The following SEMA3F variants were observed in gnomAD, a reference collection of about 807,000 sequenced individuals.
SEMA3F encodes the protein semaphorin 3F.
Under a neutral mutation model 98.5 loss-of-function variants are expected in SEMA3F, and 30 were observed. The ratio of observed to expected loss-of-function variants is 0.30; its 90% CI spans 0.23 to 0.41. The LOEUF (loss-of-function observed/expected upper bound fraction) is 0.41, where lower values mean the gene tolerates loss of function less well. Ranked by LOEUF, SEMA3F falls within the 10% of genes least tolerant of loss-of-function variation. The probability of loss-of-function intolerance (pLI) is 1.00; values close to 1 mark genes in which losing one functional copy is unlikely to be tolerated. For synonymous variants in SEMA3F, 380 were observed against 444.8 expected, an observed-to-expected ratio of 0.85 and a Z score of 1.83; for missense variants, 866 against 1,119.3, an observed-to-expected ratio of 0.77 and a Z score of 3.23.
chr3:50,164,672 G>A (rs145903524), intron 2 of SEMA3F, among the ~76,000 whole-genome samples: 2 of 152,334 alleles, frequency 1.3e-5, no homozygotes, highest in Non-Finnish European at 1.5e-5. Flanking sequence ...AGTGTTAGCT[G>A]TGTGAGTTCA....
intron 2 of SEMA3F, among the ~76,000 whole-genome samples, chr3:50,161,564 G>A (rs1698209855): frequency 6.6e-6 from 1 of 152,226 alleles, no homozygotes; most frequent in African/African-American, 2.4e-5. Context: ...GCGCACCTGG[G>A]GCCACCCATC....
chr3:50,177,268 G>A (rs1260368358), intron 7 of SEMA3F, among the ~76,000 whole-genome samples: 1 of 152,254 alleles, frequency 6.6e-6, no homozygotes, highest in Non-Finnish European at 1.5e-5. Context: ...GCCCTGTAGC[G>A]AAGGACCAAT....
chr3:50,186,669 C>G lies in SEMA3F; in HGVS notation c.1870C>G (p.Leu624Val). The stretch of plus-strand genomic sequence containing the variant: ...TGGCGTGGCCGGCAGCGCAGCCTTC[C>G]TTGAGTGCCAGCCCCGCTCGCCCCA... ...QYGVAGSAAFLECQPRSPQAT... is the reference protein window; with the variant it reads ...QYGVAGSAAFVECQPRSPQAT... Residue 624 changes from leucine (L) to valine (V), a missense_variant, in exon 18 of 19, where the codon CTT becomes GTT. Physicochemically the swap from Leu to Val is conservative, Grantham distance 32. Coordinates refer to ENST00000002829, the MANE Select transcript of SEMA3F (RefSeq NM_004186.5). The G allele has an allele frequency of 6.2e-7, 1 of 1,609,966 alleles. No homozygotes were observed. The highest frequency in any genetic ancestry group is 1.1e-5 in the South Asian group (1 of 90,928).
rs1376838152 is a variant in SEMA3F, at chr3:50,182,735, G to A, written c.855G>A (p.Glu285=). 1 of 1,613,388 alleles carries A rather than the reference G, an allele frequency of 6.2e-7. No individual in the cohort carries two copies. The highest frequency in any genetic ancestry group is 1.7e-5 in the Admixed American group (1 of 60,036). The stretch of plus-strand genomic sequence containing the variant: ...TCTTCTTCCGTGAGCGGTCGGCAGA[G>A]GCGCCGCAGAGCCCCGCGGTGTACG... ...LYFFFRERSA[E]APQSPAVYAR... is the part of the protein sequence containing the mutation. Residue 285 remains glutamate, a synonymous_variant, in exon 9 of 19, where the codon GAG becomes GAA. Coordinates refer to ENST00000002829, the MANE Select transcript of SEMA3F (RefSeq NM_004186.5). This position sits in a 1 kb window ranked among gnomAD's most constrained non-coding sequence, Gnocchi z 4.5.
rs370246297 is a variant in SEMA3F, at chr3:50,176,788, G to A, written c.570G>A (p.Glu190=). ...TACAGGATTACATCTTCTACCTGGA[G>A]CCTGAGCGACTCGAGTCAGGGAAGG... is the stretch of plus-strand genomic sequence containing the variant. The part of the protein sequence containing the change: ...APRQDYIFYL[E]PERLESGKGK... The change falls in exon 7 of 19, where the codon GAG becomes GAA. Residue 190 remains glutamate (E), a synonymous_variant. Transcript: ENST00000002829. The A allele has an allele frequency of 3.1e-6, 5 of 1,613,368 alleles. No individual in the cohort carries two copies. The African/African-American group carries it at 6.7e-5, about 22-fold the overall frequency.
chr3:50,176,881 G>T lies in SEMA3F; in HGVS notation c.643+20G>T. The stretch of plus-strand genomic sequence containing the variant: ...TCATCAGTGAGTGCCCCCCAACCCC[G>T]CTCTACAGTCTCAATGTGTGGCCTC... On this transcript the variant is annotated intron_variant, in intron 7 of 18. Transcript: ENST00000002829. 1.3e-6 allele frequency: 2 copies of T among 1,586,806 alleles called. No individual in the cohort carries two copies. Among genetic ancestry groups the T allele is most frequent in the South Asian group, 1.1e-5 (1 of 90,552 alleles).
rs140721147 is a variant in SEMA3F, at chr3:50,159,677, T to C, written c.55T>C (p.Ser19Pro). The C allele has an allele frequency of 1.4e-4, 229 of 1,613,256 alleles. 1 individual carries two copies. In the African/African-American group the frequency reaches 2.9e-3, roughly 21 times the overall value. The change falls in exon 2 of 19, where the codon TCC becomes CCC. Residue 19 changes from serine (S) to proline (P), a missense_variant. Physicochemically the swap from Ser to Pro is moderately conservative, Grantham distance 74. Transcript: ENST00000002829. ...WASLLTGAWP[S>P]FPTQDHLPAT... ...TTCCCTACTGACCGGGGCCTGGCCATCCTTCCCCACCCAGGACCACCTCCC... is the reference window on the plus strand; with the variant it reads ...TTCCCTACTGACCGGGGCCTGGCCACCCTTCCCCACCCAGGACCACCTCCC...
At chr3:50,177,162 G>C (rs1698846581) in intron 7 of SEMA3F, among the ~76,000 whole-genome samples, 1 of 152,214 alleles carries the variant, frequency 6.6e-6, no homozygotes, top group South Asian at 2.1e-4. Context: ...CCTGACCATA[G>C]GCTTCCTAGA....
chr3:50,186,653 C>T lies in SEMA3F; in HGVS notation c.1854C>T (p.Ala618=), dbSNP rs1194270389. The T allele has an allele frequency of 3.7e-6, 6 of 1,607,786 alleles. No individual in the cohort carries two copies. Among genetic ancestry groups the T allele is most frequent in the Admixed American group, 1.7e-5 (1 of 59,824 alleles). The change falls in exon 18 of 19, where the codon GCC becomes GCT. Residue 618 remains alanine, a synonymous_variant. Transcript: ENST00000002829. Reference sequence around the variant, plus strand: ...TGGAGTCTGTGCAGTATGGCGTGGCCGGCAGCGCAGCCTTCCTTGAGTGCC... The same window carrying T: ...TGGAGTCTGTGCAGTATGGCGTGGCTGGCAGCGCAGCCTTCCTTGAGTGCC... The part of the protein sequence containing the change: ...NAVESVQYGV[A]GSAAFLECQP...
In SEMA3F at chr3:50,187,705, A is replaced by T. The variant is rs747967019; in HGVS notation, c.1948A>T (p.Ile650Phe). ...GAACCCCCTCTCCTTGCCCCTGCAGATTCGTGCAGAGGACCGCTTCCTGCG... is the reference window on the plus strand; with the variant it reads ...GAACCCCCTCTCCTTGCCCCTGCAGTTTCGTGCAGAGGACCGCTTCCTGCG... ...QRDPGDRRRE[I>F]RAEDRFLRTE... Residue 650 changes from isoleucine to phenylalanine, a missense_variant and splice_region_variant, in exon 19 of 19, where the codon ATT becomes TTT. Ile to Phe is a conservative substitution (Grantham distance 21). Coordinates refer to ENST00000002829, the MANE Select transcript of SEMA3F (RefSeq NM_004186.5). 1.9e-6 allele frequency: 3 copies of T among 1,580,548 alleles called. No individual in the cohort carries two copies. The highest frequency in any genetic ancestry group is 2.6e-6 in the Non-Finnish European group (3 of 1,157,674).
In SEMA3F at chr3:50,183,410, A is replaced by G. The variant is rs777297672; in HGVS notation, c.1089-10A>G. ...TCTGTCCTGCTCAGCAGCGCCTGCC[A>G]TGCCCACAGCTCCGTGTTCCGAGGC... On this transcript the variant is annotated splice_polypyrimidine_tract_variant and intron_variant, in intron 11 of 18. Transcript: ENST00000002829. 4.3e-6 allele frequency: 7 copies of G among 1,613,852 alleles called. No individual in the cohort carries two copies. Among genetic ancestry groups the G allele is most frequent in the East Asian group, 2.2e-5 (1 of 44,864 alleles).
chr3:50,176,648 G>A (rs564562619), intron 6 of SEMA3F, 120 bp from the exon 7 acceptor site: 4 of 729,696 alleles, frequency 5.5e-6, no homozygotes, highest in South Asian at 3.1e-5. Context: ...GCTGGGGAGT[G>A]TAGGGGGTGG....
Position 50,160,968 on chromosome 3 carries a change from C to A in SEMA3F, c.112+1234C>A, listed in dbSNP as rs190627912. On this transcript the variant is annotated intron_variant, in intron 2 of 18. Transcript: ENST00000002829. ...GCTGAGAAGAGTTAATTTGTTTGGG[C>A]TGGAAAGCACCCCCCTTCCCCGGGC... is the stretch of plus-strand genomic sequence containing the variant. 2.1e-4 allele frequency among the ~76,000 whole-genome samples: 32 copies of A among 152,306 alleles called. 1 individual carries two copies. In the South Asian group the frequency reaches 3.7e-3, roughly 18 times the overall value.
At position 50,156,980 on chromosome 3, in the gene SEMA3F, CAAG is replaced by C. The variant is rs1348710031; in HGVS notation, c.-49+1420_-49+1422del. ...TTGGGGGATGGGGAAGCTGAGGAGCCAAGAAGGAGACAGAGCTCTTGTTGAAGT... is the reference window on the plus strand; with the variant it reads ...TTGGGGGATGGGGAAGCTGAGGAGCCAAGGAGACAGAGCTCTTGTTGAAGT... On this transcript the variant is annotated intron_variant, in intron 1 of 18. Transcript: ENST00000002829. This position sits in a 1 kb window ranked among gnomAD's most constrained non-coding sequence, Gnocchi z 4.5. 4.6e-5 allele frequency among the ~76,000 whole-genome samples: 7 copies of C among 151,508 alleles called. No individual in the cohort carries two copies. Among genetic ancestry groups the C allele is most frequent in the Non-Finnish European group, 7.4e-5 (5 of 67,824 alleles).
At chr3:50,175,049 C>A in intron 5 of SEMA3F, 47 bp from the exon 6 acceptor site, 1 of 1,375,832 alleles carries the variant, frequency 7.3e-7, no homozygotes, top group African/African-American at 1.4e-5. Flanking sequence ...CCCGCTCCCC[C>A]AGCCCCTGCC....
chr3:50,169,691 A>T (rs1257320237), intron 2 of SEMA3F, among the ~76,000 whole-genome samples: 1 of 152,200 alleles, frequency 6.6e-6, no homozygotes, highest in African/African-American at 2.4e-5. Context: ...TCGAGGAGGC[A>T]TGGCGCTCCT....
At chr3:50,179,081 C>T (rs1041602545) in intron 7 of SEMA3F, among the ~76,000 whole-genome samples, 1 of 152,004 alleles carries the variant, frequency 6.6e-6, no homozygotes, top group Non-Finnish European at 1.5e-5. Context: ...TCTTGGCCTC[C>T]CAAAGTGCTG....
intron 2 of SEMA3F, among the ~76,000 whole-genome samples, chr3:50,171,442 G>T (rs1698598370): frequency 6.6e-6 from 1 of 152,124 alleles, no homozygotes; most frequent in Non-Finnish European, 1.5e-5. Flanking sequence ...CTTAATGGCT[G>T]AAGCTTCCCC....
At position 50,182,387 on chromosome 3, in the gene SEMA3F, C is replaced by T. The variant is rs1230797832; in HGVS notation, c.747C>T (p.Asn249=). The T allele has an allele frequency of 3.7e-6, 6 of 1,613,926 alleles. No individual in the cohort carries two copies. The highest frequency in any genetic ancestry group is 1.7e-4 in the Middle Eastern group (1 of 6,052). ...CAGCCATGCGCACGGATCAGTACAA[C>T]TCCCGGTGGCTGAACGGTAAGCGCA... ...KQTAMRTDQY[N]SRWLNDPSFI... Residue 249 remains asparagine, a synonymous_variant, in exon 8 of 19, where the codon AAC becomes AAT. Transcript: ENST00000002829. This position sits in a 1 kb window ranked among gnomAD's most constrained non-coding sequence, Gnocchi z 4.5.
Sources: gnomAD v4.1 joint callset for allele counts (sites outside exome capture counted in the v4.1 genomes callset) on GRCh38, gnomAD v4.1.1 for gene constraint, Gnocchi (gnomAD v3.1) non-coding constraint, MANE v1.5 for transcripts, NCBI Gene and HGNC (gene_info 2026-07-23, HGNC 2026-07-21) for gene names.